The following GRID2 variants were observed in gnomAD, a reference collection of about 807,000 sequenced individuals.
The protein encoded by GRID2 is glutamate receptor ionotropic, delta-2.
A neutral mutation model predicts 114.8 loss-of-function variants in GRID2; 33 were observed. The ratio of observed to expected loss-of-function variants is 0.29; its 90% CI spans 0.22 to 0.38. GRID2 has a LOEUF of 0.38. Among genes scored for constraint, GRID2 ranks in the 10% least tolerant of loss-of-function variants. The pLI, the probability that GRID2 is intolerant of heterozygous loss-of-function variation, is 1.00. For synonymous variants in GRID2, 505 were observed against 449.9 expected (o/e 1.12, Z -1.55); for missense variants, 1,184 against 1,257.7 (o/e 0.94, Z 0.89).
chr4:92,904,875 A>G (rs1046460000), intron 2 of GRID2, among the ~76,000 whole-genome samples: 1 of 152,026 alleles, frequency 6.6e-6, no homozygotes, highest in Non-Finnish European at 1.5e-5. Context: ...AAGCTTTATG[A>G]CTTTAGCATG....
At chr4:93,191,111 A>G (rs577661329) in intron 4 of GRID2, among the ~76,000 whole-genome samples, 58 of 152,198 alleles carry the variant, frequency 3.8e-4, no homozygotes, top group African/African-American at 1.4e-3. Flanking sequence ...GCAAAATAAA[A>G]TTTAATAAAA....
chr4:92,418,480 G>A (rs1053012726), intron 1 of GRID2, among the ~76,000 whole-genome samples: 56 of 152,086 alleles, frequency 3.7e-4, no homozygotes, highest in African/African-American at 1.4e-3. Context: ...CTGTAGTGTA[G>A]AGGAAAGATT....
chr4:93,316,295 A>AGAAT (rs1342972313), intron 8 of GRID2, among the ~76,000 whole-genome samples: 1 of 47,722 alleles, frequency 2.1e-5, no homozygotes, highest in Non-Finnish European at 4.0e-5. Context: ...AAAGAACGAA[A>AGAAT]GAAAGAAAGA....
chr4:92,393,265 A>G (rs947934915), intron 1 of GRID2, among the ~76,000 whole-genome samples: 1 of 152,160 alleles, frequency 6.6e-6, no homozygotes, highest in African/African-American at 2.4e-5. Flanking sequence ...GGGGATTACA[A>G]CTGAATATGA....
At chr4:93,516,326 G>A (rs1448644605) in intron 13 of GRID2, among the ~76,000 whole-genome samples, 4 of 152,104 alleles carry the variant, frequency 2.6e-5, no homozygotes, top group Non-Finnish European at 5.9e-5. Flanking sequence ...ACAGGTTCCA[G>A]CATTATTCTC....
chr4:93,523,935 T>C (rs1048161837), intron 13 of GRID2, among the ~76,000 whole-genome samples: 1 of 152,090 alleles, frequency 6.6e-6, no homozygotes, highest in Admixed American at 6.6e-5. Flanking sequence ...TGACCTTGCA[T>C]GTCGGCCATA....
intron 2 of GRID2, among the ~76,000 whole-genome samples, chr4:92,952,491 A>C (rs2149136461): frequency 6.6e-6 from 1 of 152,312 alleles, no homozygotes; most frequent in South Asian, 2.1e-4. Flanking sequence ...GAAATATTTC[A>C]TATTTTGTGC....
At chr4:93,614,875 A>G (rs1741434394) in intron 13 of GRID2, among the ~76,000 whole-genome samples, 1 of 152,220 alleles carries the variant, frequency 6.6e-6, no homozygotes, top group South Asian at 2.1e-4. Flanking sequence ...AACAGCAATA[A>G]CATGTTCTTT....
At chr4:93,194,280 C>A (rs1741268504) in intron 4 of GRID2, among the ~76,000 whole-genome samples, 2 of 152,110 alleles carry the variant, frequency 1.3e-5, no homozygotes, top group Admixed American at 6.6e-5. Flanking sequence ...AATAACATCA[C>A]CACAAATAGA....
At chr4:93,178,155 C>T (rs1739526907) in intron 4 of GRID2, among the ~76,000 whole-genome samples, 1 of 151,370 alleles carries the variant, frequency 6.6e-6, no homozygotes, top group South Asian at 2.1e-4. Context: ...ATAGATTCTC[C>T]CTTACTAATC....
At chr4:92,994,941 G>A (rs1348824065) in intron 2 of GRID2, among the ~76,000 whole-genome samples, 3 of 152,164 alleles carry the variant, frequency 2.0e-5, no homozygotes, top group East Asian at 1.9e-4. Context: ...GCCAGCCACA[G>A]TGGGAGTATT....
chr4:92,996,306 TAAAAA>T (rs199962054), intron 2 of GRID2, among the ~76,000 whole-genome samples: 5 of 150,814 alleles, frequency 3.3e-5, no homozygotes, highest in Non-Finnish European at 5.9e-5. Context: ...AAAAAAAAAA[TAAAAA>T]AAATAAAAAA....
At chr4:93,014,830 C>A (rs1395654794) in intron 2 of GRID2, among the ~76,000 whole-genome samples, 1 of 152,064 alleles carries the variant, frequency 6.6e-6, no homozygotes, top group Non-Finnish European at 1.5e-5. Flanking sequence ...ACTTGTTTTG[C>A]TGTAAGAACA....
chr4:93,152,031 G>A lies in GRID2; in HGVS notation c.735+41078G>A, dbSNP rs182328901. ...CTAGTTTCACGTGGTAAAATACTGT[G>A]TATAGATAAACACTAATCTCCAAAG... On this transcript the variant is annotated intron_variant, in intron 4 of 15. Transcript: ENST00000282020. Among the ~76,000 whole-genome samples, 1,345 of 152,066 alleles carry A rather than the reference G, an allele frequency of 8.8e-3. 9 individuals carry two copies. Among genetic ancestry groups the A allele is most frequent in the Non-Finnish European group, 0.014 (933 of 67,984 alleles).
chr4:93,370,835 C>A (rs1377302370), intron 8 of GRID2, among the ~76,000 whole-genome samples: 1 of 152,140 alleles, frequency 6.6e-6, no homozygotes, highest in Non-Finnish European at 1.5e-5. Context: ...TGGGTCTTAT[C>A]TATCTTTACA....
chr4:92,744,771 T>C (rs2149333991), intron 2 of GRID2, among the ~76,000 whole-genome samples: 1 of 152,268 alleles, frequency 6.6e-6, no homozygotes, highest in South Asian at 2.1e-4. Flanking sequence ...AGCAAATATT[T>C]ACCTACTCAT....
intron 13 of GRID2, among the ~76,000 whole-genome samples, chr4:93,613,122 C>T (rs1021101415): frequency 8.2e-5 from 12 of 146,848 alleles, no homozygotes; most frequent in Non-Finnish European, 1.8e-4. Context: ...GAGGCTTCTG[C>T]ATTCTTCACG....
At chr4:93,633,110 T>C (rs1287897455) in intron 14 of GRID2, among the ~76,000 whole-genome samples, 1 of 151,776 alleles carries the variant, frequency 6.6e-6, no homozygotes, top group Non-Finnish European at 1.5e-5. Context: ...GTAGAACAAA[T>C]CACAATCCTT....
chr4:93,335,132 CTG>C (rs1047018611), intron 8 of GRID2, among the ~76,000 whole-genome samples: 3 of 152,144 alleles, frequency 2.0e-5, no homozygotes, highest in African/African-American at 4.8e-5. Flanking sequence ...CTAGATTTAA[CTG>C]TGTGACGCAG....
Sources: gnomAD v4.1 joint callset for allele counts (sites outside exome capture counted in the v4.1 genomes callset) on GRCh38, gnomAD v4.1.1 for gene constraint, MANE v1.5 for transcripts, NCBI Gene and HGNC (gene_info 2026-07-23, HGNC 2026-07-21) for gene names.